The following SAMD5 variants were observed in gnomAD, a reference collection of about 807,000 sequenced individuals.
SAMD5 encodes sterile alpha motif domain-containing protein 5.
SAMD5 carries 13 observed loss-of-function variants against 11.3 expected under a neutral mutation model. The ratio of observed to expected loss-of-function variants is 1.15; its 90% CI spans 0.75 to 1.83. The LOEUF is 1.83. Ranked by LOEUF, SAMD5 falls within the 40% of genes most tolerant of loss-of-function variation. The probability of loss-of-function intolerance (pLI) is 0.00; values close to 1 mark genes in which losing one functional copy is unlikely to be tolerated. For missense variants in SAMD5, 255 were observed against 239.1 expected (o/e 1.07, Z -0.44); for synonymous variants, 129 against 111.3 (o/e 1.16, Z -1.00).
the SAMD5 span, among the ~76,000 whole-genome samples, chr6:147,747,762 A>G: frequency 6.6e-6 from 1 of 152,178 alleles, no homozygotes; most frequent in Non-Finnish European, 1.5e-5. Flanking sequence ...TTTATCAGCC[A>G]TTTGAAGGTA....
chr6:147,513,512 A>G (rs141514633), intron 1 of SAMD5, among the ~76,000 whole-genome samples: 59 of 152,220 alleles, frequency 3.9e-4, no homozygotes, highest in African/African-American at 1.3e-3. Flanking sequence ...AAACATACGG[A>G]GTGTGAGATG....
At chr6:147,727,748 C>T (rs778056410) in intron 1 of SAMD5, among the ~76,000 whole-genome samples, 8 of 151,938 alleles carry the variant, frequency 5.3e-5, no homozygotes, top group Non-Finnish European at 1.0e-4. Flanking sequence ...CTGTTGGTTA[C>T]TTCAGCTAAT....
At chr6:147,729,854 G>A (rs911997349) in intron 1 of SAMD5, 7 of 456,334 alleles carry the variant, frequency 1.5e-5, no homozygotes, top group Admixed American at 1.4e-4. Context: ...GGAGGCTGAG[G>A]CAGGTGGATC....
intron 1 of SAMD5, among the ~76,000 whole-genome samples, chr6:147,586,302 G>A (rs1391528256): frequency 1.3e-5 from 2 of 152,096 alleles, no homozygotes; most frequent in Non-Finnish European, 2.9e-5. Flanking sequence ...GTGTGTATTT[G>A]GAAAGCTCTG....
intron 1 of SAMD5, 63 bp downstream of exon 1, chr6:147,509,450 T>A: frequency 7.0e-7 from 1 of 1,431,588 alleles, no homozygotes; most frequent in East Asian, 3.0e-5. Context: ...CCCAGCTGCC[T>A]GTGCCAAGGC....
chr6:147,568,729 G>A lies in SAMD5; in HGVS notation c.*4273G>A. 1 of 982,424 alleles carries A rather than the reference G, an allele frequency of 1.0e-6. No homozygotes were observed. Among genetic ancestry groups the A allele is most frequent in the East Asian group, 1.1e-4 (1 of 8,788 alleles). 60.9% of individuals were successfully genotyped at this position (982,424 alleles called of 1,614,324 possible). Reference sequence around the variant, plus strand: ...GAGTTTTCTAATTTTACTCTTATTAGCTCCCTCAGTTGTCATCAATTACAT... The same window carrying A: ...GAGTTTTCTAATTTTACTCTTATTAACTCCCTCAGTTGTCATCAATTACAT... On this transcript the variant is annotated 3_prime_UTR_variant, in exon 2 of 2. Coordinates refer to ENST00000367474, the MANE Select transcript of SAMD5 (RefSeq NM_001030060.3).
In SAMD5 at chr6:147,508,698, C is replaced by T. The variant is rs1788029910; in HGVS notation, c.-231C>T. 6.6e-6 allele frequency among the ~76,000 whole-genome samples: 1 copy of T among 152,122 alleles called. No individual in the cohort carries two copies. Among genetic ancestry groups the T allele is most frequent in the African/African-American group, 2.4e-5 (1 of 41,456 alleles). The stretch of plus-strand genomic sequence containing the variant: ...TGCTCAGCCCAGCAGCCAGTGCCTG[C>T]GAGCTCCGCTGCTGCTTGGGGAATT... On this transcript the variant is annotated 5_prime_UTR_variant, in exon 1 of 2. Coordinates refer to ENST00000367474, the MANE Select transcript of SAMD5 (RefSeq NM_001030060.3).
intron 1 of SAMD5, among the ~76,000 whole-genome samples, chr6:147,560,602 A>G (rs1410869522): frequency 1.3e-5 from 2 of 152,344 alleles, no homozygotes; most frequent in East Asian, 3.9e-4. Flanking sequence ...TTTAGCCTGC[A>G]TATCACTCTG....
At chr6:147,823,315 C>A in the SAMD5 span, among the ~76,000 whole-genome samples, 1 of 152,050 alleles carries the variant, frequency 6.6e-6, no homozygotes, top group Non-Finnish European at 1.5e-5. Flanking sequence ...CCTAACTACT[C>A]CTCCAAGGGT....
rs551920070 is a variant in SAMD5 at position 147,724,053 on chromosome 6, G to T, written c.163-13264G>T. On this transcript the variant is annotated intron_variant, in intron 1 of 1. Coordinates refer to the SAMD5 transcript ENST00000566741. ...CATGCAAAAAATCCACAATCACATT[G>T]CAGGGAAATAATTCAACATTTTTCT... 5.8e-4 allele frequency among the ~76,000 whole-genome samples: 89 copies of T among 152,306 alleles called. 1 individual carries two copies. The highest frequency in any genetic ancestry group is 3.4e-3 in the Middle Eastern group (1 of 294).
chr6:147,757,628 A>G, the SAMD5 span, among the ~76,000 whole-genome samples: 1 of 152,168 alleles, frequency 6.6e-6, no homozygotes, highest in Non-Finnish European at 1.5e-5. Flanking sequence ...TTTAAGAGTG[A>G]TAGGTGTCTG....
chr6:147,869,452 G>C, the SAMD5 span, among the ~76,000 whole-genome samples: 6 of 152,190 alleles, frequency 3.9e-5, no homozygotes, highest in African/African-American at 1.4e-4. Context: ...TTTCCTACTT[G>C]AGTAGCTCCT....
chr6:147,531,372 TG>T (rs1788428063), intron 1 of SAMD5, among the ~76,000 whole-genome samples: 1 of 152,234 alleles, frequency 6.6e-6, no homozygotes, highest in Admixed American at 6.5e-5. Flanking sequence ...TTCAAAATCC[TG>T]CCCAAAATTG....
the SAMD5 span, among the ~76,000 whole-genome samples, chr6:147,893,877 G>A: frequency 6.6e-6 from 1 of 152,078 alleles, no homozygotes; most frequent in Non-Finnish European, 1.5e-5. Context: ...ATGTAAGTTT[G>A]CATAGACAGG....
the SAMD5 span, among the ~76,000 whole-genome samples, chr6:147,837,326 A>G: frequency 6.6e-6 from 1 of 152,198 alleles, no homozygotes; most frequent in East Asian, 1.9e-4. Context: ...ACCAATCACG[A>G]AAGTCCCATT....
intron 1 of SAMD5, among the ~76,000 whole-genome samples, chr6:147,601,636 A>G (rs1447590529): frequency 6.6e-6 from 1 of 152,216 alleles, no homozygotes; most frequent in Non-Finnish European, 1.5e-5. Flanking sequence ...TATAATGCTC[A>G]GTCCTGGTCA....
chr6:147,569,723 A>G lies in SAMD5; in HGVS notation c.*5267A>G. On this transcript the variant is annotated 3_prime_UTR_variant, in exon 2 of 2. Coordinates refer to ENST00000367474, the MANE Select transcript of SAMD5 (RefSeq NM_001030060.3). ...TCGGGTTGCTAAAGCCATTATTCAT[A>G]GAAAATTTCTGCCCCTACAGAAGTG... The G allele has an allele frequency of 1.0e-6, 1 of 985,430 alleles. No individual in the cohort carries two copies. The highest frequency in any genetic ancestry group is 1.2e-6 in the Non-Finnish European group (1 of 829,896). 61.0% of individuals were successfully genotyped at this position (985,430 alleles called of 1,614,324 possible). A position where few individuals can be genotyped will look rare whatever the true frequency, so the allele number is the denominator to read the frequency against.
At chr6:147,726,519 G>A (rs1260562386) in intron 1 of SAMD5, among the ~76,000 whole-genome samples, 3 of 129,374 alleles carry the variant, frequency 2.3e-5, no homozygotes, top group Non-Finnish European at 3.5e-5. Context: ...GCCTGCCTGG[G>A]GCCCAGGCCC....
chr6:147,944,313 G>T, the SAMD5 span, among the ~76,000 whole-genome samples: 1 of 152,134 alleles, frequency 6.6e-6, no homozygotes, highest in Non-Finnish European at 1.5e-5. Context: ...CCACATGGCC[G>T]GGGAGGCCTC....
Sources: gnomAD v4.1 joint callset for allele counts (sites outside exome capture counted in the v4.1 genomes callset) on GRCh38, gnomAD v4.1.1 for gene constraint, MANE v1.5 for transcripts, NCBI Gene and HGNC (gene_info 2026-07-23, HGNC 2026-07-21) for gene names.